KAZN: variants seen among roughly 807,000 people sequenced by gnomAD.
KAZN encodes the protein kazrin.
A neutral mutation model predicts 87.4 loss-of-function variants in KAZN; 40 were observed. That is an observed-to-expected ratio of 0.46 (90% CI 0.36 to 0.60). The LOEUF is 0.60. Among genes scored for constraint, KAZN ranks in the 20% least tolerant of loss-of-function variants. KAZN has a pLI of 0.00. For missense variants in KAZN, 898 were observed against 1,073.9 expected (o/e 0.84, Z 2.29); for synonymous variants, 466 against 458.3 (o/e 1.02, Z -0.22).
chr1:14,701,717 A>G (rs1431276362), intron 1 of KAZN, among the ~76,000 whole-genome samples: 2 of 152,152 alleles, frequency 1.3e-5, no homozygotes, highest in Admixed American at 6.5e-5. Context: ...GGATTGCTTG[A>G]GCCCAGGAGG....
chr1:14,623,263 G>A (rs953115664), intron 1 of KAZN, among the ~76,000 whole-genome samples: 11 of 152,154 alleles, frequency 7.2e-5, no homozygotes, highest in Admixed American at 6.5e-4. Flanking sequence ...TGTAGTACAT[G>A]CACACCATGG....
chr1:14,676,753 C>T (rs1456285234), intron 1 of KAZN, among the ~76,000 whole-genome samples: 2 of 152,052 alleles, frequency 1.3e-5, no homozygotes, highest in South Asian at 2.1e-4. Flanking sequence ...ACAGGCAAAT[C>T]CATAGAGTTG....
intron 1 of KAZN, among the ~76,000 whole-genome samples, chr1:14,845,502 G>A (rs545462269): frequency 6.6e-6 from 1 of 151,304 alleles, no homozygotes; most frequent in Admixed American, 6.6e-5. Flanking sequence ...GTGGGGGATG[G>A]ATGGATAAGT....
At chr1:14,532,551 G>T (rs1463893776) in intron 2 of KAZN, among the ~76,000 whole-genome samples, 1 of 151,070 alleles carries the variant, frequency 6.6e-6, no homozygotes, top group Admixed American at 6.6e-5. Context: ...CATGTGCCAT[G>T]TTGGTGTGCT....
At position 13,997,183 on chromosome 1, in the gene KAZN, C is replaced by T. The variant is rs576946370; in HGVS notation, c.91+103427C>T. Reference sequence around the variant, plus strand: ...AAAACAACACCATCATCAACAACAACAACAACAACAACCCCCACAAAAACC... The same window carrying T: ...AAAACAACACCATCATCAACAACAATAACAACAACAACCCCCACAAAAACC... On this transcript the variant is annotated intron_variant, in intron 1 of 16. Transcript: ENST00000636203. Among the ~76,000 whole-genome samples the T allele has an allele frequency of 2.3e-4, 35 of 152,216 alleles. No homozygotes were observed. The South Asian group carries it at 6.4e-3, about 28-fold the overall frequency.
intron 1 of KAZN, among the ~76,000 whole-genome samples, chr1:14,062,211 G>C (rs113235733): frequency 1.1e-4 from 16 of 152,272 alleles, no homozygotes; most frequent in African/African-American, 3.8e-4. Flanking sequence ...GAGCGATTCA[G>C]GTTGAAACAG....
chr1:14,955,892 C>G (rs891356154), intron 1 of KAZN, among the ~76,000 whole-genome samples: 2 of 152,196 alleles, frequency 1.3e-5, no homozygotes, highest in African/African-American at 4.8e-5. Flanking sequence ...GTGTCAAAAT[C>G]CCCGTGAGAT....
At chr1:14,575,705 C>G (rs1346098601) in intron 2 of KAZN, among the ~76,000 whole-genome samples, 2 of 152,152 alleles carry the variant, frequency 1.3e-5, no homozygotes, top group Non-Finnish European at 1.5e-5. Context: ...TTAAAAGAGT[C>G]AGGAGGTAGA....
chr1:14,936,633 C>T (rs1660488897), intron 1 of KAZN, among the ~76,000 whole-genome samples: 1 of 152,144 alleles, frequency 6.6e-6, no homozygotes, highest in African/African-American at 2.4e-5. Context: ...CACTTTGATC[C>T]TTCCTCATCC....
chr1:14,849,249 G>C (rs1344164702), intron 1 of KAZN, among the ~76,000 whole-genome samples: 1 of 152,188 alleles, frequency 6.6e-6, no homozygotes, highest in Non-Finnish European at 1.5e-5. Context: ...GTGGTAACCA[G>C]AGTCGCAGGG....
At chr1:15,068,708 G>GTCTTCTCAGGA (rs1194181073) in intron 8 of KAZN, among the ~76,000 whole-genome samples, 1 of 151,862 alleles carries the variant, frequency 6.6e-6, no homozygotes, top group Non-Finnish European at 1.5e-5. Flanking sequence ...GCCTCCCCCA[G>GTCTTCTCAGGA]CGAGACTCCA....
intron 1 of KAZN, among the ~76,000 whole-genome samples, chr1:14,814,934 T>A (rs1050105631): frequency 1.3e-5 from 2 of 152,144 alleles, no homozygotes; most frequent in African/African-American, 4.8e-5. Context: ...GGGGTCATGT[T>A]GAGAATTAAA....
chr1:14,390,370 T>C (rs1360865991), intron 2 of KAZN, among the ~76,000 whole-genome samples: 3 of 152,162 alleles, frequency 2.0e-5, no homozygotes, highest in Admixed American at 6.5e-5. Context: ...AGTACCTCCT[T>C]GGAAAGGGCG....
chr1:14,608,297 C>A (rs1677529037), intron 1 of KAZN, among the ~76,000 whole-genome samples: 1 of 152,148 alleles, frequency 6.6e-6, no homozygotes, highest in African/African-American at 2.4e-5. Context: ...GCCCAGAGAC[C>A]ACAGATTTAA....
rs149652606 is a variant in KAZN at position 14,585,276 on chromosome 1, C to T, written c.250-13707C>T. On this transcript the variant is annotated intron_variant, in intron 2 of 16. Coordinates refer to the KAZN transcript ENST00000636203. ...CAGGCAGGATGGCACCCTTGAGGGA[C>T]GGTGCTAATTTCAATCATGTGTTAG... Among the ~76,000 whole-genome samples the T allele has an allele frequency of 2.4e-3, 372 of 152,220 alleles. 2 individuals are homozygous for T. The highest frequency in any genetic ancestry group is 6.8e-3 in the Middle Eastern group (2 of 294).
At chr1:14,721,079 C>T (rs527501136) in intron 1 of KAZN, among the ~76,000 whole-genome samples, 2 of 152,294 alleles carry the variant, frequency 1.3e-5, no homozygotes, top group Admixed American at 6.5e-5. Context: ...GAGGCCTGAG[C>T]GGTGGTATTG....
At chr1:14,576,704 T>C (rs1462271643) in intron 2 of KAZN, among the ~76,000 whole-genome samples, 5 of 152,178 alleles carry the variant, frequency 3.3e-5, no homozygotes. Flanking sequence ...TTAGGCTCTG[T>C]CTAGACACCT....
At chr1:15,040,141 A>G (rs1021405358) in intron 3 of KAZN, among the ~76,000 whole-genome samples, 2 of 152,254 alleles carry the variant, frequency 1.3e-5, no homozygotes, top group Non-Finnish European at 2.9e-5. Context: ...CCAAGGACAC[A>G]TGTTTAGAGC....
chr1:14,371,625 T>G lies in KAZN; in HGVS notation c.249+191033T>G, dbSNP rs546033514. 1.1e-4 allele frequency among the ~76,000 whole-genome samples: 16 copies of G among 152,186 alleles called. No homozygotes were observed. The South Asian group carries it at 3.3e-3, about 32-fold the overall frequency. On this transcript the variant is annotated intron_variant, in intron 2 of 16. Coordinates refer to the KAZN transcript ENST00000636203. ...AGATGCTGATAAAAAAAAATAAAAG[T>G]TCCATAAAGCACATGACAAGAGAGT...
Sources: allele counts gnomAD v4.1 joint callset (sites outside exome capture counted in the v4.1 genomes callset), GRCh38; gene constraint gnomAD v4.1.1; transcripts MANE v1.5; gene names NCBI Gene and HGNC (gene_info 2026-07-23, HGNC 2026-07-21).